Variants in BARX2 observed in about 807,000 individuals in gnomAD.
BARX2 encodes the protein homeobox protein BarH-like 2.
BARX2 carries 11 observed loss-of-function variants against 25.5 expected under a neutral mutation model. The observed-to-expected ratio is 0.43, with a 90% CI of 0.27 to 0.71. BARX2 has a LOEUF of 0.71. Ranked by LOEUF, BARX2 falls within the 30% of genes least tolerant of loss-of-function variation. The pLI is 0.19. For synonymous variants in BARX2, 137 were observed against 149.5 expected, an observed-to-expected ratio of 0.92 and a Z score of 0.61; for missense variants, 360 against 359.9, an observed-to-expected ratio of 1.00 and a Z score of 0.00.
At chr11:129,405,581 C>G (rs997642558) in intron 1 of BARX2, among the ~76,000 whole-genome samples, 3 of 152,080 alleles carry the variant, frequency 2.0e-5, no homozygotes, top group African/African-American at 7.2e-5. Context: ...GACAATATAA[C>G]TTTACACTTT....
chr11:129,443,397 G>C (rs1020018939), intron 3 of BARX2, among the ~76,000 whole-genome samples: 5 of 152,012 alleles, frequency 3.3e-5, no homozygotes, highest in African/African-American at 1.2e-4. Context: ...AGTACTCTTT[G>C]TTTATAATGA....
chr11:129,432,695 G>A (rs1376092335), intron 1 of BARX2, among the ~76,000 whole-genome samples: 1 of 152,088 alleles, frequency 6.6e-6, no homozygotes, highest in Non-Finnish European at 1.5e-5. Context: ...TATTCTTTTT[G>A]ACAAACTGAA....
At chr11:129,434,421 TAAAA>T (rs56344103) in intron 1 of BARX2, among the ~76,000 whole-genome samples, 10,008 of 76,604 alleles carry the variant, frequency 0.13, 393 homozygotes, top group Middle Eastern at 0.19. Context: ...AAAAAGTAAG[TAAAA>T]AAAAAAAAAA....
At chr11:129,418,040 T>TA (rs1333420441) in intron 1 of BARX2, among the ~76,000 whole-genome samples, 1 of 152,230 alleles carries the variant, frequency 6.6e-6, no homozygotes, top group Non-Finnish European at 1.5e-5. Flanking sequence ...TGATGATTTT[T>TA]GACCCTGTAA....
At chr11:129,442,765 C>CTGGAGCCTGT (rs775888453) in intron 2 of BARX2, 70 bp from the exon 3 acceptor site, 2 of 1,378,800 alleles carry the variant, frequency 1.5e-6, no homozygotes, top group Non-Finnish European at 2.1e-6. Context: ...CTGGAGCCTG[C>CTGGAGCCTGT]CAGCAGGATC....
rs556121989 is a variant in BARX2, at chr11:129,396,340, G to A, written c.187+20118G>A. On this transcript the variant is annotated intron_variant, in intron 1 of 3. Coordinates refer to ENST00000281437, the MANE Select transcript of BARX2 (RefSeq NM_003658.5). ...CTCCCTGCCCTGGGATTTAGGGATC[G>A]CCTTGGCCCCACACCTGTGGCTTTC... Among the ~76,000 whole-genome samples the A allele has an allele frequency of 3.3e-5, 5 of 150,880 alleles. No individual in the cohort carries two copies. In the South Asian group the frequency reaches 6.3e-4, roughly 19 times the overall value.
intron 1 of BARX2, among the ~76,000 whole-genome samples, chr11:129,431,305 T>A (rs1862126575): frequency 6.6e-6 from 1 of 152,218 alleles, no homozygotes; most frequent in Non-Finnish European, 1.5e-5. Flanking sequence ...TCACTTGGGT[T>A]AATATCTGGG....
In BARX2 at chr11:129,442,462, C is replaced by T. The variant is rs181615776; in HGVS notation, c.489-373C>T. Among the ~76,000 whole-genome samples the T allele has an allele frequency of 3.9e-5, 6 of 152,316 alleles. No homozygotes were observed. The East Asian group carries it at 9.6e-4, about 24-fold the overall frequency. On this transcript the variant is annotated intron_variant, in intron 2 of 3. Transcript: ENST00000281437. ...GTGGATTCCCATCAGCAACATCTGG[C>T]TTTGCCTTTTGTTTCCAGTCTGGAC... is the stretch of plus-strand genomic sequence containing the variant.
chr11:129,393,312 CT>C (rs1294743059), intron 1 of BARX2, among the ~76,000 whole-genome samples: 4 of 152,080 alleles, frequency 2.6e-5, no homozygotes, highest in Admixed American at 2.6e-4. Context: ...ACTCTATTGT[CT>C]AATGTGGCTT....
At chr11:129,405,152 G>A (rs1405567396) in intron 1 of BARX2, among the ~76,000 whole-genome samples, 1 of 152,198 alleles carries the variant, frequency 6.6e-6, no homozygotes, top group South Asian at 2.1e-4. Context: ...TTGGACAGAA[G>A]CATTTCTTTC....
At chr11:129,381,505 C>G (rs1292623841) in intron 1 of BARX2, among the ~76,000 whole-genome samples, 1 of 152,196 alleles carries the variant, frequency 6.6e-6, no homozygotes, top group Non-Finnish European at 1.5e-5. Flanking sequence ...TCTTTGAACT[C>G]TACCTACAGG....
rs1565521134 is a variant in BARX2, at chr11:129,436,528, T to G, written c.188-223T>G. 8 of 441,250 alleles carry G rather than the reference T, an allele frequency of 1.8e-5. No individual in the cohort carries two copies. Among genetic ancestry groups the G allele is most frequent in the Non-Finnish European group, 3.2e-5 (8 of 252,888 alleles). The allele number at this position is 441,250 out of a possible 1,614,324, so 27.3% of individuals were successfully genotyped here. A position where few individuals can be genotyped will look rare whatever the true frequency, so the allele number is the denominator to read the frequency against. ...CCAGAGGACTTGCAGGAACCTCTTC[T>G]GGGCCGTGGGCTTCATCTTCCCACA... On this transcript the variant is annotated intron_variant, in intron 1 of 3. Transcript: ENST00000281437. The surrounding 1 kb of genome is among the most constrained non-coding windows in gnomAD (Gnocchi z 4.5).
At chr11:129,427,970 T>C (rs959752305) in intron 1 of BARX2, among the ~76,000 whole-genome samples, 2 of 152,200 alleles carry the variant, frequency 1.3e-5, no homozygotes, top group African/African-American at 4.8e-5. Context: ...CAACCACTCA[T>C]GTACTCAGGT....
chr11:129,426,426 G>A (rs554816001), intron 1 of BARX2, among the ~76,000 whole-genome samples: 141 of 151,726 alleles, frequency 9.3e-4, no homozygotes, highest in Non-Finnish European at 1.7e-3. Flanking sequence ...AGGCTGGAGT[G>A]GAGTGGCACA....
intron 1 of BARX2, among the ~76,000 whole-genome samples, chr11:129,402,581 G>A (rs555670714): frequency 6.6e-6 from 1 of 152,282 alleles, no homozygotes; most frequent in South Asian, 2.1e-4. Flanking sequence ...ATTTTATACA[G>A]AGAAAAATGA....
At chr11:129,387,735 G>T (rs1003341295) in intron 1 of BARX2, among the ~76,000 whole-genome samples, 2 of 152,170 alleles carry the variant, frequency 1.3e-5, no homozygotes, top group African/African-American at 2.4e-5. Flanking sequence ...TTTCTACTGG[G>T]AGATTGGGCC....
At position 129,451,316 on chromosome 11, in the gene BARX2, C is replaced by T. The variant is rs755171720; in HGVS notation, c.754C>T (p.Arg252Cys). ...ELCEAQEPKARDVPLEMAEPP... is the reference protein window; with the variant it reads ...ELCEAQEPKACDVPLEMAEPP... ...CTGTGAAGCACAGGAACCGAAAGCA[C>T]GTGATGTCCCCTTAGAGATGGCAGA... The change falls in exon 4 of 4, where the codon CGT (arginine) becomes TGT (cysteine). Residue 252 changes from arginine (R) to cysteine (C), a missense_variant. By Grantham distance (180) the Arg-to-Cys change is radical (BLOSUM62 -3). Transcript: ENST00000281437. The T allele has an allele frequency of 1.7e-5, 27 of 1,614,042 alleles. No homozygotes were observed. Among genetic ancestry groups the T allele is most frequent in the Non-Finnish European group, 2.2e-5 (26 of 1,180,050 alleles).
At chr11:129,407,824 A>C (rs1459388663) in intron 1 of BARX2, among the ~76,000 whole-genome samples, 1 of 152,006 alleles carries the variant, frequency 6.6e-6, no homozygotes, top group Non-Finnish European at 1.5e-5. Flanking sequence ...ACACGGAGGA[A>C]AGGCTCTTAC....
intron 1 of BARX2, among the ~76,000 whole-genome samples, chr11:129,419,802 A>G (rs1187567179): frequency 3.3e-5 from 5 of 151,904 alleles, no homozygotes; most frequent in Non-Finnish European, 7.4e-5. Flanking sequence ...TGTTTTTGAG[A>G]TGGAGTCTCA....
Sources: allele counts gnomAD v4.1 joint callset (sites outside exome capture counted in the v4.1 genomes callset), GRCh38; gene constraint gnomAD v4.1.1; non-coding constraint Gnocchi (gnomAD v3.1); transcripts MANE v1.5; gene names NCBI Gene and HGNC (gene_info 2026-07-23, HGNC 2026-07-21).